Variants in OPCML observed in about 807,000 individuals in gnomAD.
OPCML encodes opioid-binding protein/cell adhesion molecule.
OPCML carries 13 observed loss-of-function variants against 37.8 expected under a neutral mutation model. The observed-to-expected ratio is 0.34, with a 90% CI of 0.22 to 0.55. OPCML has a LOEUF of 0.55. Among genes scored for constraint, OPCML ranks in the 20% least tolerant of loss-of-function variants. OPCML has a pLI of 0.91. For missense variants in OPCML, 341 were observed against 435.6 expected, an observed-to-expected ratio of 0.78 and a Z score of 1.93; for synonymous variants, 176 against 168.8, an observed-to-expected ratio of 1.04 and a Z score of -0.33.
intron 1 of OPCML, among the ~76,000 whole-genome samples, chr11:133,233,456 A>T (rs570722611): frequency 1.3e-5 from 2 of 152,180 alleles, no homozygotes. Context: ...TGGAGAGTCA[A>T]TGCCATGGTA....
At chr11:133,108,970 AAC>A (rs1370666653) in intron 1 of OPCML, among the ~76,000 whole-genome samples, 2 of 152,156 alleles carry the variant, frequency 1.3e-5, no homozygotes, top group African/African-American at 4.8e-5. Flanking sequence ...TCCCCAAGCT[AAC>A]AGTCTTAAAA....
intron 1 of OPCML, among the ~76,000 whole-genome samples, chr11:133,130,887 GC>G (rs759514190): frequency 1.2e-4 from 18 of 151,098 alleles, no homozygotes; most frequent in Non-Finnish European, 2.7e-4. Context: ...ATATCCACAT[GC>G]AAAAAAAAAA....
chr11:133,326,365 T>G (rs1943454137), intron 1 of OPCML, among the ~76,000 whole-genome samples: 17 of 69,342 alleles, frequency 2.5e-4, no homozygotes, highest in Non-Finnish European at 4.0e-4. Flanking sequence ...GGTGGGGGTG[T>G]ATGTGTTTGG....
rs183496419 is a variant in OPCML, at chr11:132,792,454, T to C, written c.147-135135A>G. On this transcript the variant is annotated intron_variant, in intron 2 of 7. Transcript: ENST00000524381. ...AAAAAAGTGTAAAGACTAAAGTAAT[T>C]AAGGCTTTTCCTCATCCCCATCCTG... Among the ~76,000 whole-genome samples the C allele has an allele frequency of 1.0e-3, 153 of 152,296 alleles. No individual in the cohort carries two copies. The Middle Eastern group carries it at 0.02, about 20-fold the overall frequency.
intron 2 of OPCML, among the ~76,000 whole-genome samples, chr11:132,764,465 A>G (rs1174678512): frequency 6.6e-6 from 1 of 152,214 alleles, no homozygotes; most frequent in Admixed American, 6.5e-5. Context: ...CTGGTTTTAG[A>G]CGTTATTTTC....
chr11:133,314,183 C>G (rs951959061), intron 1 of OPCML, among the ~76,000 whole-genome samples: 2 of 128,300 alleles, frequency 1.6e-5, no homozygotes, highest in Admixed American at 2.0e-4. Flanking sequence ...TGCAGTGAGC[C>G]GAGATCGCGC....
chr11:132,705,577 G>T (rs1943999823), intron 2 of OPCML, among the ~76,000 whole-genome samples: 1 of 152,014 alleles, frequency 6.6e-6, no homozygotes, highest in African/African-American at 2.4e-5. Flanking sequence ...GAGCAACAGA[G>T]CCAGACCTGG....
At chr11:133,467,905 A>G (rs1947013466) in intron 1 of OPCML, among the ~76,000 whole-genome samples, 1 of 152,186 alleles carries the variant, frequency 6.6e-6, no homozygotes, top group Non-Finnish European at 1.5e-5. Flanking sequence ...CTTTGTTTAT[A>G]TCACAATAGA....
intron 1 of OPCML, among the ~76,000 whole-genome samples, chr11:133,319,631 G>T (rs1406794349): frequency 6.6e-6 from 1 of 152,046 alleles, no homozygotes; most frequent in Non-Finnish European, 1.5e-5. Context: ...TCTCCTCTCG[G>T]CCCTCGTCTG....
chr11:133,033,312 T>C (rs911276487), intron 1 of OPCML, among the ~76,000 whole-genome samples: 1 of 152,144 alleles, frequency 6.6e-6, no homozygotes, highest in African/African-American at 2.4e-5. Flanking sequence ...ACAAATGCCA[T>C]CCCCACTGCA....
chr11:132,725,839 C>T lies in OPCML; in HGVS notation c.147-68520G>A, dbSNP rs188041554. Among the ~76,000 whole-genome samples the T allele has an allele frequency of 1.2e-3, 189 of 151,864 alleles. 1 individual carries two copies. Among genetic ancestry groups the T allele is most frequent in the African/African-American group, 4.3e-3 (177 of 41,416 alleles). ...CAGATACCATAAATCATCTCTCTCA[C>T]GTTCAAAGTTCCACAAATCTCTTAG... On this transcript the variant is annotated intron_variant, in intron 2 of 7. Transcript: ENST00000524381.
At chr11:132,927,514 C>A (rs1423118421) in intron 2 of OPCML, among the ~76,000 whole-genome samples, 1 of 152,032 alleles carries the variant, frequency 6.6e-6, no homozygotes, top group Non-Finnish European at 1.5e-5. Flanking sequence ...TTAAGACATC[C>A]CCATATAAAC....
At chr11:133,454,779 A>G (rs1332843560) in intron 1 of OPCML, among the ~76,000 whole-genome samples, 2 of 152,200 alleles carry the variant, frequency 1.3e-5, no homozygotes. Context: ...TCAAACATTC[A>G]TTTATCTTTA....
At chr11:133,452,548 C>T (rs12284177) in intron 1 of OPCML, among the ~76,000 whole-genome samples, 3,106 of 151,502 alleles carry the variant, frequency 0.021, 106 homozygotes, top group South Asian at 0.072. Context: ...TGCAGTGGCT[C>T]ACACTTGTAG....
chr11:133,086,714 G>C (rs10791278), intron 1 of OPCML, among the ~76,000 whole-genome samples: 73,813 of 152,046 alleles, frequency 0.49, 20,697 homozygotes, highest in Non-Finnish European at 0.62. Context: ...CTGAAAGTTT[G>C]TACCCTTTGA....
At chr11:132,583,964 T>G (rs2096467301) in intron 3 of OPCML, among the ~76,000 whole-genome samples, 1 of 152,096 alleles carries the variant, frequency 6.6e-6, no homozygotes, top group Non-Finnish European at 1.5e-5. Context: ...TGTAAGCATT[T>G]TCAAACAAGA....
chr11:132,500,150 T>TA (rs2096242520), intron 4 of OPCML, among the ~76,000 whole-genome samples: 1 of 152,214 alleles, frequency 6.6e-6, no homozygotes, highest in South Asian at 2.1e-4. Flanking sequence ...AAGTCATCAG[T>TA]AGACCATCAT....
At chr11:132,435,670 G>A (rs1457630591) in intron 7 of OPCML, among the ~76,000 whole-genome samples, 4 of 152,310 alleles carry the variant, frequency 2.6e-5, no homozygotes, top group Non-Finnish European at 2.9e-5. Flanking sequence ...ATGAGAATAC[G>A]AAATGCAAGC....
At chr11:133,287,478 C>T (rs186537514) in intron 1 of OPCML, among the ~76,000 whole-genome samples, 1,775 of 149,566 alleles carry the variant, frequency 0.012, 16 homozygotes, top group Middle Eastern at 0.055. Flanking sequence ...AGGCTCATGC[C>T]CACCAGACCG....
Sources: gnomAD v4.1 joint callset for allele counts (sites outside exome capture counted in the v4.1 genomes callset) on GRCh38, gnomAD v4.1.1 for gene constraint, MANE v1.5 for transcripts, NCBI Gene and HGNC (gene_info 2026-07-23, HGNC 2026-07-21) for gene names.